Variants in PRKN observed in about 807,000 individuals in gnomAD.
The protein encoded by PRKN is E3 ubiquitin-protein ligase parkin.
A neutral mutation model predicts 59.5 loss-of-function variants in PRKN; 56 were observed. The observed-to-expected ratio is 0.94, with a 90% CI of 0.76 to 1.18. The LOEUF (loss-of-function observed/expected upper bound fraction) is 1.18. PRKN is among the 50% of genes most tolerant of loss of function. The pLI, the probability that PRKN is intolerant of heterozygous loss-of-function variation, is 0.00. For synonymous variants in PRKN, 250 were observed against 222.1 expected, an observed-to-expected ratio of 1.13 and a Z score of -1.12; for missense variants, 657 against 596.4, an observed-to-expected ratio of 1.10 and a Z score of -1.06.
At chr6:161,964,662 C>A (rs545927602) in intron 6 of PRKN, among the ~76,000 whole-genome samples, 69 of 152,108 alleles carry the variant, frequency 4.5e-4, no homozygotes, top group African/African-American at 1.5e-3. Context: ...TGCACAAACA[C>A]TGGTGCTACA....
chr6:161,708,122 T>C (rs1786584630), intron 7 of PRKN, among the ~76,000 whole-genome samples: 1 of 152,080 alleles, frequency 6.6e-6, no homozygotes, highest in Non-Finnish European at 1.5e-5. Context: ...CTCAATAATA[T>C]AAAAAATTAT....
At chr6:162,405,633 A>T (rs1267702349) in intron 2 of PRKN, among the ~76,000 whole-genome samples, 2 of 152,194 alleles carry the variant, frequency 1.3e-5, no homozygotes, top group African/African-American at 2.4e-5. Flanking sequence ...TCAAGTTAAA[A>T]TGAACCCATT....
chr6:162,081,562 C>T (rs188851915), intron 4 of PRKN, among the ~76,000 whole-genome samples: 5 of 152,032 alleles, frequency 3.3e-5, no homozygotes, highest in Non-Finnish European at 7.4e-5. Flanking sequence ...TCCAGTAAAC[C>T]GTGCTGTAAA....
chr6:161,739,512 G>A (rs575940490), intron 7 of PRKN, among the ~76,000 whole-genome samples: 1 of 152,122 alleles, frequency 6.6e-6, no homozygotes, highest in South Asian at 2.1e-4. Flanking sequence ...AACTGAAGAG[G>A]TGTAATAGCT....
intron 5 of PRKN, among the ~76,000 whole-genome samples, chr6:162,049,859 T>C (rs1777558669): frequency 1.3e-5 from 2 of 152,120 alleles, no homozygotes; most frequent in African/African-American, 2.4e-5. Context: ...GGCTCACTGG[T>C]GGTACGAATC....
chr6:161,826,554 T>C (rs6932312), intron 6 of PRKN, among the ~76,000 whole-genome samples: 4,926 of 152,262 alleles, frequency 0.032, 237 homozygotes, highest in African/African-American at 0.1. Context: ...GTTTTATCCA[T>C]TGCCATTTTT....
At chr6:161,670,816 A>G (rs111996678) in intron 7 of PRKN, among the ~76,000 whole-genome samples, 55 of 150,088 alleles carry the variant, frequency 3.7e-4, no homozygotes, top group African/African-American at 1.3e-3. Context: ...CTCTGTCTCA[A>G]AAACAAACAA....
intron 4 of PRKN, among the ~76,000 whole-genome samples, chr6:162,117,894 C>G (rs1780741782): frequency 6.6e-6 from 1 of 151,760 alleles, no homozygotes; most frequent in South Asian, 2.1e-4. Context: ...GTCAGGAGTT[C>G]AGGACCAGCC....
intron 7 of PRKN, among the ~76,000 whole-genome samples, chr6:161,700,853 T>C (rs1786222848): frequency 6.6e-6 from 1 of 152,218 alleles, no homozygotes; most frequent in East Asian, 1.9e-4. Flanking sequence ...GAAATGAAGA[T>C]CTGATCCAAT....
chr6:161,465,357 G>A (rs1790414235), intron 9 of PRKN, among the ~76,000 whole-genome samples: 1 of 152,004 alleles, frequency 6.6e-6, no homozygotes, highest in African/African-American at 2.4e-5. Context: ...ACAGATCTGG[G>A]CTTCACTTCA....
intron 2 of PRKN, among the ~76,000 whole-genome samples, chr6:162,269,835 T>G (rs1210793745): frequency 6.6e-6 from 1 of 152,194 alleles, no homozygotes; most frequent in African/African-American, 2.4e-5. Flanking sequence ...ATCTTACTCC[T>G]GCAAGAGTGG....
chr6:162,115,613 C>T (rs1780638313), intron 4 of PRKN, among the ~76,000 whole-genome samples: 1 of 150,486 alleles, frequency 6.6e-6, no homozygotes, highest in Non-Finnish European at 1.5e-5. Flanking sequence ...TCTGAGAGAT[C>T]ACTTTGAGAG....
intron 10 of PRKN, among the ~76,000 whole-genome samples, chr6:161,375,144 C>A (rs1785640865): frequency 6.6e-6 from 1 of 152,200 alleles, no homozygotes; most frequent in East Asian, 1.9e-4. Context: ...AGGCCATGCC[C>A]CTCAAGGCAG....
intron 1 of PRKN, among the ~76,000 whole-genome samples, chr6:162,613,165 A>C (rs1304767773): frequency 1.3e-5 from 2 of 152,202 alleles, no homozygotes; most frequent in African/African-American, 4.8e-5. Flanking sequence ...TTTGGACTAA[A>C]GCTGCAGGAT....
rs1297960689 is a variant in PRKN at position 161,397,663 on chromosome 6, C to T, written c.1084-10786G>A. The stretch of plus-strand genomic sequence containing the variant: ...TTATCATGAAGTTGCAAGGACCTAA[C>T]AGAATAATGGCAATCATCAAACCTT... On this transcript the variant is annotated intron_variant, in intron 9 of 11. Transcript: ENST00000366898. The surrounding 1 kb of genome is among the most constrained non-coding windows in gnomAD (Gnocchi z 4.2). Among the ~76,000 whole-genome samples, 3 of 152,096 alleles carry T rather than the reference C, an allele frequency of 2.0e-5. No homozygotes were observed. The highest frequency in any genetic ancestry group is 6.5e-5 in the Admixed American group (1 of 15,270).
chr6:162,300,918 A>G (rs1266211705), intron 2 of PRKN, among the ~76,000 whole-genome samples: 1 of 152,148 alleles, frequency 6.6e-6, no homozygotes, highest in Non-Finnish European at 1.5e-5. Context: ...AAACACCAAT[A>G]GCAAACTGGA....
chr6:161,680,006 A>C (rs1335861173), intron 7 of PRKN, among the ~76,000 whole-genome samples: 1 of 151,952 alleles, frequency 6.6e-6, no homozygotes, highest in Non-Finnish European at 1.5e-5. Flanking sequence ...TGCCCGCCTC[A>C]GCGTCCCAAA....
intron 9 of PRKN, among the ~76,000 whole-genome samples, chr6:161,481,874 A>G (rs1336813126): frequency 6.6e-6 from 1 of 151,934 alleles, no homozygotes; most frequent in African/African-American, 2.4e-5. Context: ...CAATTTTTCA[A>G]AGAAGGAAGG....
intron 3 of PRKN, among the ~76,000 whole-genome samples, chr6:162,228,010 T>A (rs1430034993): frequency 1.3e-5 from 2 of 152,060 alleles, no homozygotes; most frequent in East Asian, 3.9e-4. Flanking sequence ...TTTTCTCATG[T>A]TTGGTGGTGA....
Sources: allele counts gnomAD v4.1 joint callset (sites outside exome capture counted in the v4.1 genomes callset), GRCh38; gene constraint gnomAD v4.1.1; non-coding constraint Gnocchi (gnomAD v3.1); transcripts MANE v1.5; gene names NCBI Gene and HGNC (gene_info 2026-07-23, HGNC 2026-07-21).